Variants in HEATR5B observed in about 807,000 individuals in gnomAD.
HEATR5B encodes HEAT repeat-containing protein 5B.
Under a neutral mutation model 224.1 loss-of-function variants are expected in HEATR5B, and 156 were observed. That is an observed-to-expected ratio of 0.70 (90% CI 0.61 to 0.80). HEATR5B has a LOEUF of 0.80. Ranked by LOEUF, HEATR5B falls within the 30% of genes least tolerant of loss-of-function variation. The probability of loss-of-function intolerance (pLI) is 0.00; values close to 1 mark genes in which losing one functional copy is unlikely to be tolerated. For synonymous variants in HEATR5B, 1,027 were observed against 893.0 expected (o/e 1.15, Z -2.68); for missense variants, 2,323 against 2,535.5 (o/e 0.92, Z 1.80).
intron 33 of HEATR5B, among the ~76,000 whole-genome samples, chr2:36,993,993 G>A (rs1160908836): frequency 6.6e-6 from 1 of 152,124 alleles, no homozygotes; most frequent in South Asian, 2.1e-4. Context: ...AGGGCTCTAT[G>A]ACGGTTATTA....
chr2:37,072,899 T>A (rs1050169890), intron 5 of HEATR5B, among the ~76,000 whole-genome samples: 2 of 152,148 alleles, frequency 1.3e-5, no homozygotes, highest in African/African-American at 4.8e-5. Context: ...AAATAGACAA[T>A]TCACTCAAGA....
At chr2:37,027,866 C>T in intron 24 of HEATR5B, 57 bp downstream of exon 24, 2 of 1,561,828 alleles carry the variant, frequency 1.3e-6, no homozygotes, top group African/African-American at 1.4e-5. Flanking sequence ...CTCATAGCAG[C>T]AAAATGTCTC....
At chr2:37,010,545 G>A (rs529783020) in intron 27 of HEATR5B, among the ~76,000 whole-genome samples, 5 of 149,082 alleles carry the variant, frequency 3.4e-5, no homozygotes, top group African/African-American at 1.2e-4. Context: ...TGGGAGTCTC[G>A]ATCTGTAACC....
chr2:37,041,965 T>G (rs1444820369), intron 18 of HEATR5B, among the ~76,000 whole-genome samples: 2 of 151,928 alleles, frequency 1.3e-5, no homozygotes, highest in Non-Finnish European at 2.9e-5. Context: ...TTTCACAGTA[T>G]TACATAAAAT....
At chr2:37,005,546 CA>C (rs1667356427) in intron 30 of HEATR5B, 85 bp downstream of exon 30, 14 of 1,255,178 alleles carry the variant, frequency 1.1e-5, no homozygotes, top group Non-Finnish European at 1.5e-5. Flanking sequence ...GGATCCAATA[CA>C]GAAAAAAAAT....
chr2:37,032,884 GT>G (rs5830450), intron 21 of HEATR5B, 111 bp from the exon 22 acceptor site: 20,280 of 691,166 alleles, frequency 0.029, no homozygotes, highest in South Asian at 0.038. Flanking sequence ...GTTTTGTTTT[GT>G]TTTTTTTTTT....
intron 18 of HEATR5B, among the ~76,000 whole-genome samples, chr2:37,047,981 CCA>C (rs1670306425): frequency 6.6e-6 from 1 of 151,852 alleles, no homozygotes; most frequent in South Asian, 2.1e-4. Context: ...CAGAAAAATC[CCA>C]GTTTTAAATA....
intron 26 of HEATR5B, 48 bp from the exon 27 acceptor site, chr2:37,014,068 G>A: frequency 4.5e-6 from 5 of 1,115,902 alleles, no homozygotes; most frequent in Admixed American, 2.7e-5. Flanking sequence ...AATTAATGCT[G>A]TATAAGAAAA....
chr2:37,038,912 G>C (rs886907537), intron 20 of HEATR5B, among the ~76,000 whole-genome samples: 5 of 131,680 alleles, frequency 3.8e-5, no homozygotes, highest in Non-Finnish European at 8.3e-5. Flanking sequence ...TGGGGTGGGG[G>C]GGGTGGGGAA....
At chr2:37,005,254 T>G (rs1370760418) in intron 30 of HEATR5B, among the ~76,000 whole-genome samples, 1 of 152,188 alleles carries the variant, frequency 6.6e-6, no homozygotes, top group African/African-American at 2.4e-5. Context: ...ATGTGTTGCC[T>G]CACTAATTCC....
chr2:36,989,044 T>C (rs933016441), intron 34 of HEATR5B, among the ~76,000 whole-genome samples, 185 bp from the exon 35 acceptor site: 7 of 152,244 alleles, frequency 4.6e-5, no homozygotes, highest in Admixed American at 1.3e-4. Context: ...AAAATGTTCA[T>C]ATATTTTAAT....
At chr2:37,036,858 T>G (rs1289934044) in intron 21 of HEATR5B, among the ~76,000 whole-genome samples, 4 of 152,048 alleles carry the variant, frequency 2.6e-5, no homozygotes, top group African/African-American at 9.7e-5. Flanking sequence ...GTCAGGATTA[T>G]GATAGGCCTC....
chr2:36,986,000 C>T (rs1008353419), intron 35 of HEATR5B, among the ~76,000 whole-genome samples: 16 of 152,000 alleles, frequency 1.1e-4, no homozygotes, highest in African/African-American at 3.9e-4. Flanking sequence ...GTTCCCTTCC[C>T]TATCTGTCCT....
At position 37,065,848 on chromosome 2, in the gene HEATR5B, G is replaced by T; in HGVS notation, c.1240C>A (p.Gln414Lys). The change falls in exon 9 of 36, where the codon CAG (glutamine) becomes AAG (lysine). Residue 414 changes from glutamine to lysine, a missense_variant. By Grantham distance (53) the Gln-to-Lys change is moderately conservative (BLOSUM62 1). Around this residue, in one of 12 missense-constraint regions of HEATR5B, gnomAD observed 502 missense variants for 517.8 expected, o/e 0.97. Transcript: ENST00000233099. ...KSGAADIAAS[Q>K]HVMVCALQEL... ...TGGAGGGCACAGACCATCACATGCT[G>T]GCTTGCTGCAATGTCTGCTGCGCCA... 6.2e-7 allele frequency: 1 copy of T among 1,613,812 alleles called. No homozygotes were observed. The highest frequency in any genetic ancestry group is 8.5e-7 in the Non-Finnish European group (1 of 1,179,812).
At chr2:37,030,040 T>A (rs1190050985) in intron 22 of HEATR5B, among the ~76,000 whole-genome samples, 3 of 152,172 alleles carry the variant, frequency 2.0e-5, no homozygotes, top group African/African-American at 7.2e-5. Context: ...AGTGGTTAAA[T>A]TTCTTGCTTC....
intron 8 of HEATR5B, among the ~76,000 whole-genome samples, chr2:37,067,802 C>CGG (rs1004473138): frequency 1.3e-3 from 196 of 151,984 alleles, no homozygotes; most frequent in Non-Finnish European, 2.2e-3. Context: ...AAAAATAAAA[C>CGG]GAGTTTACTA....
intron 20 of HEATR5B, among the ~76,000 whole-genome samples, chr2:37,039,308 T>C (rs1001723981): frequency 3.3e-5 from 5 of 151,796 alleles, no homozygotes; most frequent in Non-Finnish European, 5.9e-5. Context: ...CTACTAAAAA[T>C]ACAACAAATT....
intron 33 of HEATR5B, among the ~76,000 whole-genome samples, chr2:36,996,583 A>T (rs1401166377): frequency 6.6e-6 from 1 of 151,616 alleles, no homozygotes; most frequent in Non-Finnish European, 1.5e-5. Context: ...TGCCCGGCTA[A>T]TTTTTGTATA....
chr2:37,024,803 T>C (rs945247709), intron 24 of HEATR5B, among the ~76,000 whole-genome samples: 1 of 152,188 alleles, frequency 6.6e-6, no homozygotes, highest in Admixed American at 6.5e-5. Flanking sequence ...AAAATCTAGG[T>C]AATTGTTTCT....
Sources: gnomAD v4.1 joint callset for allele counts (sites outside exome capture counted in the v4.1 genomes callset) on GRCh38, gnomAD v4.1.1 for gene constraint, gnomAD v4.1.1 regional missense constraint, MANE v1.5 for transcripts, NCBI Gene and HGNC (gene_info 2026-07-23, HGNC 2026-07-21) for gene names.